The following FAT3 variants were observed in gnomAD, a reference collection of about 807,000 sequenced individuals.
FAT3 encodes protocadherin Fat 3.
FAT3 carries 95 observed loss-of-function variants against 310.2 expected under a neutral mutation model. The observed-to-expected ratio is 0.31, with a 90% confidence interval of 0.26 to 0.36. The LOEUF (loss-of-function observed/expected upper bound fraction) is 0.36, where lower values mean the gene tolerates loss of function less well. Ranked by LOEUF, FAT3 falls within the 10% of genes least tolerant of loss-of-function variation. FAT3 has a pLI of 1.00. For synonymous variants in FAT3, 2,314 were observed against 2,192.9 expected, an observed-to-expected ratio of 1.06 and a Z score of -1.54; for missense variants, 5,408 against 5,715.6, an observed-to-expected ratio of 0.95 and a Z score of 1.74.
At chr11:92,589,278 G>A (rs1334127426) in intron 3 of FAT3, among the ~76,000 whole-genome samples, 3 of 152,098 alleles carry the variant, frequency 2.0e-5, no homozygotes, top group African/African-American at 4.8e-5. Context: ...TGGAAAATGT[G>A]TGTGGTTTCC....
intron 9 of FAT3, among the ~76,000 whole-genome samples, chr11:92,795,382 A>G (rs1947141985): frequency 6.6e-6 from 1 of 152,144 alleles, no homozygotes; most frequent in African/African-American, 2.4e-5. Flanking sequence ...CACAGCTTTT[A>G]TTCAATTGCC....
chr11:92,760,302 A>C (rs1477078279), intron 4 of FAT3, among the ~76,000 whole-genome samples: 1 of 152,216 alleles, frequency 6.6e-6, no homozygotes, highest in Non-Finnish European at 1.5e-5. Flanking sequence ...CTAGATTGCA[A>C]TTCCATTTTG....
intron 3 of FAT3, among the ~76,000 whole-genome samples, chr11:92,641,783 T>A (rs138224376): frequency 9.3e-4 from 141 of 152,382 alleles, no homozygotes; most frequent in African/African-American, 2.7e-3. Flanking sequence ...GGGTACCCCC[T>A]GCAAACATGC....
Position 92,836,567 on chromosome 11 carries a change from T to C in FAT3, c.10088T>C (p.Leu3363Pro). ...DALVGDSVILLIAEDVDSQPN... is the reference protein window; with the variant it reads ...DALVGDSVILPIAEDVDSQPN... ...TTGTTTTGCTTGTTTTCCATGAAGC[T>C]AATAGCAGAAGATGTAGACAGCCAG... Residue 3363 changes from leucine to proline, a missense_variant and splice_region_variant, in exon 16 of 28, where the codon CTA (leucine) becomes CCA (proline). Physicochemically the swap from Leu to Pro is moderately conservative, Grantham distance 98. Transcript: ENST00000525166. The C allele has an allele frequency of 6.2e-7, 1 of 1,612,626 alleles. No homozygotes were observed. The highest frequency in any genetic ancestry group is 8.5e-7 in the Non-Finnish European group (1 of 1,179,488).
intron 1 of FAT3, among the ~76,000 whole-genome samples, chr11:92,226,766 C>G (rs1863924933): frequency 6.6e-6 from 1 of 152,082 alleles, no homozygotes; most frequent in African/African-American, 2.4e-5. Flanking sequence ...GCCGGGAGCT[C>G]CAGCTCCATC....
At chr11:92,609,968 AT>A (rs1940486108) in intron 3 of FAT3, among the ~76,000 whole-genome samples, 6 of 152,194 alleles carry the variant, frequency 3.9e-5, no homozygotes, top group Admixed American at 3.9e-4. Context: ...CTAGAAATAA[AT>A]TCCCATTCAG....
chr11:92,584,259 C>T (rs566162877), intron 3 of FAT3, among the ~76,000 whole-genome samples: 1 of 152,128 alleles, frequency 6.6e-6, no homozygotes, highest in East Asian at 1.9e-4. Context: ...CCCCAGGGCA[C>T]AGCAACTTTG....
chr11:92,594,238 T>C (rs1235955863), intron 3 of FAT3, among the ~76,000 whole-genome samples: 2 of 152,000 alleles, frequency 1.3e-5, no homozygotes, highest in East Asian at 3.9e-4. Flanking sequence ...AGGTCAGGAG[T>C]TCGAGAGCAG....
At chr11:92,548,167 A>G (rs755038877) in intron 3 of FAT3, among the ~76,000 whole-genome samples, 1 of 152,200 alleles carries the variant, frequency 6.6e-6, no homozygotes, top group Non-Finnish European at 1.5e-5. Flanking sequence ...TCTGAACTTA[A>G]TCCATAGTCC....
intron 2 of FAT3, among the ~76,000 whole-genome samples, chr11:92,431,060 G>C (rs1370617036): frequency 6.6e-6 from 1 of 152,120 alleles, no homozygotes; most frequent in East Asian, 1.9e-4. Context: ...GTTATTTCTA[G>C]TTCTAGATCC....
intron 4 of FAT3, among the ~76,000 whole-genome samples, chr11:92,729,520 G>A (rs1267483954): frequency 2.7e-5 from 4 of 150,068 alleles, no homozygotes; most frequent in South Asian, 4.2e-4. Flanking sequence ...TCTGCCTCCC[G>A]GGTTCAAGCA....
intron 6 of FAT3, among the ~76,000 whole-genome samples, chr11:92,769,185 T>C (rs1160696964): frequency 6.6e-6 from 1 of 152,190 alleles, no homozygotes; most frequent in East Asian, 1.9e-4. Context: ...GACCACTGCT[T>C]ACAATATTAT....
intron 1 of FAT3, among the ~76,000 whole-genome samples, chr11:92,280,418 C>A (rs1406639172): frequency 6.6e-6 from 1 of 152,150 alleles, no homozygotes; most frequent in Non-Finnish European, 1.5e-5. Flanking sequence ...TTAAGAAATA[C>A]AGCAGTAAGT....
chr11:92,427,016 T>C (rs1030814900), intron 2 of FAT3, among the ~76,000 whole-genome samples: 5 of 152,320 alleles, frequency 3.3e-5, no homozygotes, highest in South Asian at 2.1e-4. Context: ...GAGCATGCAA[T>C]GTTTTTCCAT....
intron 4 of FAT3, chr11:92,748,593 G>A (rs1002693007): frequency 6.6e-6 from 1 of 151,954 alleles, no homozygotes; most frequent in African/African-American, 2.4e-5. Flanking sequence ...AACATAGTAA[G>A]TATACATCTC....
At chr11:92,458,176 T>C (rs1248432016) in intron 2 of FAT3, among the ~76,000 whole-genome samples, 1 of 152,216 alleles carries the variant, frequency 6.6e-6, no homozygotes, top group Non-Finnish European at 1.5e-5. Context: ...GTATTCCAGC[T>C]CAGTTATTTT....
Position 92,546,194 on chromosome 11 carries a change from G to A in FAT3, c.3607+21246G>A, listed in dbSNP as rs757262518. Reference sequence around the variant, plus strand: ...TGTTTTTGCATCTGAAACTGTAGGGGTGGTGATAATATCCCGATCTACAGA... The same window carrying A: ...TGTTTTTGCATCTGAAACTGTAGGGATGGTGATAATATCCCGATCTACAGA... On this transcript the variant is annotated intron_variant, in intron 3 of 27. Transcript: ENST00000525166. Among the ~76,000 whole-genome samples the A allele has an allele frequency of 4.6e-5, 7 of 152,220 alleles. 1 individual carries two copies. The highest frequency in any genetic ancestry group is 1.3e-4 in the Admixed American group (2 of 15,282).
intron 3 of FAT3, among the ~76,000 whole-genome samples, chr11:92,644,845 G>C (rs1403461327): frequency 2.0e-5 from 3 of 152,182 alleles, no homozygotes; most frequent in African/African-American, 7.2e-5. Flanking sequence ...ATGCGTGACT[G>C]GTTATGTCTC....
chr11:92,513,987 T>C (rs1265157781), intron 2 of FAT3, among the ~76,000 whole-genome samples: 3 of 152,160 alleles, frequency 2.0e-5, no homozygotes, highest in Non-Finnish European at 4.4e-5. Context: ...AGAAAGTAGA[T>C]AAGGTAAACA....
Sources: gnomAD v4.1 joint callset for allele counts (sites outside exome capture counted in the v4.1 genomes callset) on GRCh38, gnomAD v4.1.1 for gene constraint, MANE v1.5 for transcripts, NCBI Gene and HGNC (gene_info 2026-07-23, HGNC 2026-07-21) for gene names.